Variants in FOXP2 observed in about 807,000 individuals in gnomAD.
FOXP2 encodes the protein forkhead box P2.
FOXP2 carries 12 observed loss-of-function variants against 115.8 expected under a neutral mutation model. That is an observed-to-expected ratio of 0.10 (90% CI 0.07 to 0.17). FOXP2 has a LOEUF of 0.17. FOXP2 is among the 10% of genes least tolerant of loss of function. The probability of loss-of-function intolerance (pLI) is 1.00; values close to 1 mark genes in which losing one functional copy is unlikely to be tolerated. For missense variants in FOXP2, 629 were observed against 843.5 expected (o/e 0.75, Z 3.15); for synonymous variants, 328 against 297.7 (o/e 1.10, Z -1.05).
At chr7:114,306,761 G>T (rs943471948) in intron 2 of FOXP2, among the ~76,000 whole-genome samples, 3 of 151,758 alleles carry the variant, frequency 2.0e-5, no homozygotes, top group African/African-American at 7.3e-5. Context: ...TTTTTCTGGA[G>T]GTGCAAGGGA....
intron 1 of FOXP2, among the ~76,000 whole-genome samples, chr7:114,425,285 G>T (rs750603033): frequency 6.6e-6 from 1 of 151,536 alleles, no homozygotes; most frequent in Non-Finnish European, 1.5e-5. Flanking sequence ...GTCCTTTAGG[G>T]TAAGTCCACT....
chr7:114,196,871 T>C (rs966402769), intron 1 of FOXP2, among the ~76,000 whole-genome samples: 4 of 152,150 alleles, frequency 2.6e-5, no homozygotes, highest in Non-Finnish European at 5.9e-5. Context: ...ATATGCATCA[T>C]CTTGAGTGGG....
intron 1 of FOXP2, among the ~76,000 whole-genome samples, chr7:114,260,550 T>C (rs1795723001): frequency 2.0e-5 from 3 of 152,128 alleles, no homozygotes; most frequent in African/African-American, 7.2e-5. Flanking sequence ...TTGGACTGAA[T>C]AGACTGTTGG....
intron 1 of FOXP2, among the ~76,000 whole-genome samples, chr7:114,244,573 G>T (rs1312163962): frequency 6.6e-6 from 1 of 152,106 alleles, no homozygotes; most frequent in Non-Finnish European, 1.5e-5. Flanking sequence ...GTGTTGTATA[G>T]TTTATAAAAG....
chr7:114,205,308 A>T (rs1794172186), intron 1 of FOXP2, among the ~76,000 whole-genome samples: 1 of 152,164 alleles, frequency 6.6e-6, no homozygotes, highest in Non-Finnish European at 1.5e-5. Flanking sequence ...AAAAAGGAAG[A>T]TCCTTTAGCC....
At chr7:114,462,293 AAAAAAAAAAG>A (rs1230109861) in intron 2 of FOXP2, among the ~76,000 whole-genome samples, 4 of 148,572 alleles carry the variant, frequency 2.7e-5, no homozygotes, top group Admixed American at 6.7e-5. Context: ...AAAAAAAAAA[AAAAAAAAAAG>A]GTAACAAACA....
intron 2 of FOXP2, among the ~76,000 whole-genome samples, chr7:114,363,449 C>T (rs534327226): frequency 2.0e-5 from 3 of 151,962 alleles, no homozygotes; most frequent in African/African-American, 7.2e-5. Context: ...TGGCATAAGG[C>T]GAGTGTCTTA....
At chr7:114,344,259 A>T (rs1466661286) in intron 2 of FOXP2, among the ~76,000 whole-genome samples, 1 of 151,796 alleles carries the variant, frequency 6.6e-6, no homozygotes, top group Non-Finnish European at 1.5e-5. Flanking sequence ...TAAGCTCATG[A>T]CAATGACGGG....
intron 1 of FOXP2, among the ~76,000 whole-genome samples, chr7:114,103,082 C>T (rs1451983487): frequency 6.6e-6 from 1 of 151,922 alleles, no homozygotes; most frequent in African/African-American, 2.4e-5. Context: ...ATAATTTTAC[C>T]AGAGTTCAGG....
At chr7:114,225,778 C>T (rs960394969) in intron 1 of FOXP2, among the ~76,000 whole-genome samples, 2 of 152,128 alleles carry the variant, frequency 1.3e-5, no homozygotes, top group African/African-American at 4.8e-5. Context: ...TAACTTTCTT[C>T]TAAGTTTTAA....
chr7:114,308,923 G>A (rs1322488381), intron 2 of FOXP2, among the ~76,000 whole-genome samples: 1 of 152,164 alleles, frequency 6.6e-6, no homozygotes, highest in Non-Finnish European at 1.5e-5. Flanking sequence ...ACAAAAGACC[G>A]ATATAGTCAA....
intron 1 of FOXP2, among the ~76,000 whole-genome samples, chr7:114,416,889 A>G (rs775467705): frequency 4.6e-5 from 7 of 151,810 alleles, no homozygotes; most frequent in Non-Finnish European, 8.8e-5. Flanking sequence ...TTAGAAAACA[A>G]CTTGTTTGAC....
At chr7:114,317,651 A>G (rs1797305801) in intron 2 of FOXP2, among the ~76,000 whole-genome samples, 1 of 150,586 alleles carries the variant, frequency 6.6e-6, no homozygotes, top group South Asian at 2.1e-4. Context: ...GCAGTTAAAG[A>G]GATTCTTTTA....
At chr7:114,635,785 A>T (rs528771022) in intron 6 of FOXP2, among the ~76,000 whole-genome samples, 71 of 152,178 alleles carry the variant, frequency 4.7e-4, no homozygotes, top group African/African-American at 1.7e-3. Context: ...TGAGAGGAAG[A>T]CTCGAAAGCA....
intron 3 of FOXP2, among the ~76,000 whole-genome samples, chr7:114,579,035 G>A (rs1801710192): frequency 6.6e-6 from 1 of 152,160 alleles, no homozygotes; most frequent in East Asian, 1.9e-4. Flanking sequence ...TCTTTATTTA[G>A]ACTATACATT....
chr7:114,375,360 T>A (rs1411856408), intron 2 of FOXP2, among the ~76,000 whole-genome samples: 1 of 152,234 alleles, frequency 6.6e-6, no homozygotes, highest in East Asian at 1.9e-4. Flanking sequence ...TTTAAAGTCC[T>A]TGTTTAGCCA....
chr7:114,149,992 G>A (rs1419535906), intron 1 of FOXP2, among the ~76,000 whole-genome samples: 1 of 152,102 alleles, frequency 6.6e-6, no homozygotes, highest in East Asian at 1.9e-4. Flanking sequence ...TATGAATACC[G>A]TTTAGTGTTC....
At chr7:114,489,143 A>C (rs1045385697) in intron 2 of FOXP2, among the ~76,000 whole-genome samples, 1 of 152,180 alleles carries the variant, frequency 6.6e-6, no homozygotes, top group South Asian at 2.1e-4. Context: ...TCTCTCTGCT[A>C]TACACTGCTA....
intron 3 of FOXP2, among the ~76,000 whole-genome samples, chr7:114,560,225 C>T (rs1199158984): frequency 2.6e-5 from 4 of 151,976 alleles, no homozygotes; most frequent in African/African-American, 4.8e-5. Context: ...TTTATTTTGC[C>T]GTTTTTACAT....
Sources: gnomAD v4.1 joint callset for allele counts (sites outside exome capture counted in the v4.1 genomes callset) on GRCh38, gnomAD v4.1.1 for gene constraint, MANE v1.5 for transcripts, NCBI Gene and HGNC (gene_info 2026-07-23, HGNC 2026-07-21) for gene names.